The following TATDN2 variants were observed in gnomAD, a reference collection of about 807,000 sequenced individuals.
TATDN2 encodes the protein 3'-5' RNA nuclease TATDN2.
TATDN2 carries 44 observed loss-of-function variants against 60.3 expected under a neutral mutation model. The observed-to-expected ratio is 0.73, with a 90% confidence interval of 0.57 to 0.94. The LOEUF (loss-of-function observed/expected upper bound fraction) is 0.94, where lower values mean the gene tolerates loss of function less well. TATDN2 is among the 40% of genes least tolerant of loss of function. The probability of loss-of-function intolerance (pLI) is 0.00; values close to 1 mark genes in which losing one functional copy is unlikely to be tolerated. For missense variants in TATDN2, 997 were observed against 948.0 expected (o/e 1.05, Z -0.68); for synonymous variants, 399 against 355.8 (o/e 1.12, Z -1.37).
At chr3:10,251,314 T>G (rs1239384943) in intron 2 of TATDN2, among the ~76,000 whole-genome samples, 32 of 151,934 alleles carry the variant, frequency 2.1e-4, no homozygotes, top group East Asian at 1.9e-4. Context: ...GCAGCAAGGT[T>G]TTAGTAGCCA....
intron 2 of TATDN2, 22 bp downstream of exon 2, chr3:10,249,636 C>T (rs1378647323): frequency 2.0e-6 from 3 of 1,501,202 alleles, no homozygotes; most frequent in Non-Finnish European, 2.7e-6. Context: ...CCACGCTTTG[C>T]AATCGGTGAA....
intron 3 of TATDN2, among the ~76,000 whole-genome samples, chr3:10,267,180 C>T (rs372444552): frequency 5.3e-5 from 8 of 151,990 alleles, no homozygotes; most frequent in African/African-American, 1.2e-4. Flanking sequence ...TTTGGCCTCC[C>T]AAAGTGCTGG....
At chr3:10,252,912 A>G (rs1188244605) in intron 2 of TATDN2, among the ~76,000 whole-genome samples, 2 of 139,080 alleles carry the variant, frequency 1.4e-5, no homozygotes, top group African/African-American at 5.5e-5. Flanking sequence ...GCTGGAGTGC[A>G]GTGGTGCAAT....
At chr3:10,251,663 G>A (rs1008010241) in intron 2 of TATDN2, among the ~76,000 whole-genome samples, 3 of 151,958 alleles carry the variant, frequency 2.0e-5, no homozygotes, top group Non-Finnish European at 4.4e-5. Flanking sequence ...TGGGATTACA[G>A]GTGTGAGCCA....
At chr3:10,261,891 C>T (rs1167001599) in intron 3 of TATDN2, among the ~76,000 whole-genome samples, 3 of 152,226 alleles carry the variant, frequency 2.0e-5, no homozygotes, top group African/African-American at 7.2e-5. Flanking sequence ...GACACATTAG[C>T]TTCCCCTTTC....
chr3:10,270,031 C>T, intron 3 of TATDN2, 100 bp from the exon 4 acceptor site: 3 of 1,452,490 alleles, frequency 2.1e-6, no homozygotes, highest in Non-Finnish European at 2.8e-6. Flanking sequence ...TCACCATGGC[C>T]AGAAGAACAA....
At position 10,260,639 on chromosome 3, in the gene TATDN2, A is replaced by G. The variant is rs1360498039; in HGVS notation, c.917A>G (p.Asp306Gly). Residue 306 changes from aspartate (D) to glycine (G), a missense_variant, in exon 3 of 8, where the codon GAT becomes GGT. Asp to Gly is a moderately conservative substitution (Grantham distance 94, BLOSUM62 -1). Coordinates refer to ENST00000448281, the MANE Select transcript of TATDN2 (RefSeq NM_014760.4). The stretch of plus-strand genomic sequence containing the variant: ...TGCTCTCCACCCCTAGAGTTCTTGG[A>G]TGACTCTGACTCTCATTTAGAAATC... The part of the protein sequence containing the change: ...DKCSPPLEFL[D>G]DSDSHLEIQK... 3 of 1,614,072 alleles carry G rather than the reference A, an allele frequency of 1.9e-6. No homozygotes were observed. Among genetic ancestry groups the G allele is most frequent in the Non-Finnish European group, 1.7e-6 (2 of 1,179,996 alleles).
Position 10,280,349 on chromosome 3 carries a change from T to C in TATDN2, c.*1167T>C, listed in dbSNP as rs1698715143. ...CTTCACCTTTTGAGCAACTGAGTCA[T>C]CTCAAGTCCTGAGCTCTGCTCTGCC... On this transcript the variant is annotated 3_prime_UTR_variant, in exon 8 of 8. Transcript: ENST00000448281. The C allele has an allele frequency of 6.5e-6, 1 of 153,814 alleles. No homozygotes were observed. The highest frequency in any genetic ancestry group is 1.5e-5 in the Non-Finnish European group (1 of 68,134). 9.5% of individuals were successfully genotyped at this position (153,814 alleles called of 1,614,324 possible). A position where few individuals can be genotyped will look rare whatever the true frequency, so the allele number is the denominator to read the frequency against.
intron 2 of TATDN2, among the ~76,000 whole-genome samples, chr3:10,257,416 A>C (rs1400045073): frequency 1.3e-5 from 2 of 151,082 alleles, no homozygotes; most frequent in African/African-American, 4.8e-5. Context: ...GGATCACCAG[A>C]GGTCAGGAGT....
At chr3:10,253,692 T>C (rs929041279) in intron 2 of TATDN2, among the ~76,000 whole-genome samples, 2 of 152,260 alleles carry the variant, frequency 1.3e-5, no homozygotes, top group African/African-American at 4.8e-5. Context: ...GTTTGATCTA[T>C]AGACTATCAC....
rs3072531 is a variant in TATDN2 at position 10,257,294 on chromosome 3, T to TTATATATATATA, written c.415-2835_415-2824dup. 5.3e-3 allele frequency among the ~76,000 whole-genome samples: 709 copies of TTATATATATATA among 133,560 alleles called. 11 individuals are homozygous for TTATATATATATA. The highest frequency in any genetic ancestry group is 0.016 in the Middle Eastern group (4 of 254). 87.6% of individuals were successfully genotyped at this position (133,560 alleles called of 152,430 possible). A position where few individuals can be genotyped will look rare whatever the true frequency, so the allele number is the denominator to read the frequency against. On this transcript the variant is annotated intron_variant, in intron 2 of 7. Transcript: ENST00000448281. ...AGTGAGATTTTGCCTCAAAAAAAAATTATATATATATATATATATGAATTC... is the reference window on the plus strand; with the variant it reads ...AGTGAGATTTTGCCTCAAAAAAAAATTATATATATATATATATATATATATATATATGAATTC...
At chr3:10,249,135 A>G in intron 1 of TATDN2, 60 bp from the exon 2 acceptor site, 2 of 1,478,328 alleles carry the variant, frequency 1.4e-6, no homozygotes, top group East Asian at 4.9e-5. Flanking sequence ...GGTGGCGGGA[A>G]TCTGAGGTGG....
At chr3:10,264,644 T>G (rs1191321367) in intron 3 of TATDN2, among the ~76,000 whole-genome samples, 1 of 152,080 alleles carries the variant, frequency 6.6e-6, no homozygotes, top group African/African-American at 2.4e-5. Flanking sequence ...TGAATCCTTT[T>G]TAAAAAATTT....
At chr3:10,252,360 T>C (rs963918199) in intron 2 of TATDN2, among the ~76,000 whole-genome samples, 56 of 152,128 alleles carry the variant, frequency 3.7e-4, no homozygotes, top group South Asian at 6.2e-4. Flanking sequence ...GGAAATTGCA[T>C]TGTAGAAAGA....
rs1028637861 is a variant in TATDN2 at position 10,249,475 on chromosome 3, G to A, written c.275G>A (p.Gly92Asp). 2.5e-6 allele frequency: 4 copies of A among 1,613,710 alleles called. No homozygotes were observed. In the Admixed American group the frequency reaches 6.7e-5, roughly 27 times the overall value. Residue 92 changes from glycine (G) to aspartate (D), a missense_variant, in exon 2 of 8, where the codon GGT (glycine) becomes GAT (aspartate). By Grantham distance (94) the Gly-to-Asp change is moderately conservative (BLOSUM62 -1). Transcript: ENST00000448281. ...SSFSPHFLGP[G>D]VGGAASKGCL... is the part of the protein sequence containing the mutation. Reference sequence around the variant, plus strand: ...TTCTCCCCACATTTCTTGGGCCCTGGTGTGGGCGGGGCCGCCTCCAAAGGC... The same window carrying A: ...TTCTCCCCACATTTCTTGGGCCCTGATGTGGGCGGGGCCGCCTCCAAAGGC...
At chr3:10,252,792 C>T (rs545870794) in intron 2 of TATDN2, among the ~76,000 whole-genome samples, 12 of 151,062 alleles carry the variant, frequency 7.9e-5, no homozygotes, top group African/African-American at 1.7e-4. Flanking sequence ...TGGGCTCAAG[C>T]GATCCTCCTG....
intron 3 of TATDN2, among the ~76,000 whole-genome samples, chr3:10,264,885 A>C (rs926522343): frequency 3.3e-5 from 5 of 151,880 alleles, no homozygotes; most frequent in African/African-American, 1.2e-4. Context: ...CATTTTGGCC[A>C]GGCTGGTCTC....
chr3:10,262,591 A>G (rs1226249898), intron 3 of TATDN2, among the ~76,000 whole-genome samples: 1 of 124,056 alleles, frequency 8.1e-6, no homozygotes, highest in Non-Finnish European at 1.5e-5. Context: ...GCTGGAGTGC[A>G]CTGGTGTGAT....
At chr3:10,260,079 C>A in intron 2 of TATDN2, 58 bp from the exon 3 acceptor site, 2 of 1,540,292 alleles carry the variant, frequency 1.3e-6, no homozygotes, top group Admixed American at 2.0e-5. Context: ...TTGCCAAATG[C>A]TTCATGTACG....
Sources: allele counts gnomAD v4.1 joint callset (sites outside exome capture counted in the v4.1 genomes callset), GRCh38; gene constraint gnomAD v4.1.1; transcripts MANE v1.5; gene names NCBI Gene and HGNC (gene_info 2026-07-23, HGNC 2026-07-21).